The following SYCP1 variants were observed in gnomAD, a reference collection of about 807,000 sequenced individuals.
SYCP1 encodes the protein cancer/testis antigen 8.
Under a neutral mutation model 153.1 loss-of-function variants are expected in SYCP1, and 64 were observed. The ratio of observed to expected loss-of-function variants is 0.42; its 90% CI spans 0.34 to 0.51. The LOEUF is 0.51. SYCP1 is among the 20% of genes least tolerant of loss of function. The probability of loss-of-function intolerance (pLI) is 0.06; values close to 1 mark genes in which losing one functional copy is unlikely to be tolerated. For synonymous variants in SYCP1, 384 were observed against 341.8 expected, an observed-to-expected ratio of 1.12 and a Z score of -1.36; for missense variants, 997 against 1,049.0, an observed-to-expected ratio of 0.95 and a Z score of 0.68.
intron 27 of SYCP1, among the ~76,000 whole-genome samples, chr1:114,948,057 C>A (rs1005894887): frequency 5.9e-5 from 9 of 151,506 alleles, no homozygotes; most frequent in African/African-American, 1.9e-4. Context: ...ATCCCTACCC[C>A]CTGGAACACT....
At chr1:114,946,444 A>G in intron 26 of SYCP1, 63 bp downstream of exon 26, 3 of 992,624 alleles carry the variant, frequency 3.0e-6, no homozygotes, top group Non-Finnish European at 4.5e-6. Flanking sequence ...GACTGGTGGT[A>G]AAGAATAATA....
At chr1:114,971,121 A>G (rs1404716027) in intron 27 of SYCP1, among the ~76,000 whole-genome samples, 1 of 152,268 alleles carries the variant, frequency 6.6e-6, no homozygotes, top group Middle Eastern at 3.4e-3. Context: ...CATCACCTGG[A>G]TAAGTATTCA....
chr1:114,901,198 C>T (rs1165853257), intron 16 of SYCP1, among the ~76,000 whole-genome samples: 1 of 152,004 alleles, frequency 6.6e-6, no homozygotes, highest in Non-Finnish European at 1.5e-5. Context: ...GAGGTCTCTC[C>T]CCACTCAGAT....
chr1:114,988,721 T>C (rs1673705168), intron 30 of SYCP1, among the ~76,000 whole-genome samples: 1 of 152,038 alleles, frequency 6.6e-6, no homozygotes, highest in Non-Finnish European at 1.5e-5. Context: ...AATAAATATC[T>C]CTGGTAAACG....
rs370853134 is a variant in SYCP1, at chr1:114,894,135, C to T, written c.1259-1313C>T. On this transcript the variant is annotated intron_variant, in intron 15 of 31. Transcript: ENST00000369522. ...ACATGCTCAGTCCACTGTCTTTAAT[C>T]AATTTTTGAGTTTTTAAAAATTAAG... Among the ~76,000 whole-genome samples, 36 of 151,934 alleles carry T rather than the reference C, an allele frequency of 2.4e-4. No individual in the cohort carries two copies. In the East Asian group the frequency reaches 6.6e-3, roughly 28 times the overall value.
intron 3 of SYCP1, 67 bp from the exon 4 acceptor site, chr1:114,857,165 A>AAAG: frequency 8.7e-7 from 1 of 1,146,128 alleles, no homozygotes; most frequent in Non-Finnish European, 1.2e-6. Context: ...AAAGAGAAAA[A>AAAG]AGAAAAAAAA....
Position 114,926,291 on chromosome 1 carries a change from G to T in SYCP1, c.1814G>T (p.Arg605Met). 1 of 1,522,912 alleles carries T rather than the reference G, an allele frequency of 6.6e-7. No individual in the cohort carries two copies. Among genetic ancestry groups the T allele is most frequent in the Non-Finnish European group, 8.8e-7 (1 of 1,130,206 alleles). The allele number at this position is 1,522,912 out of a possible 1,614,324, so 94.3% of individuals were successfully genotyped here. ...DKSEENCNNLRKQVENKNKYI... is the reference protein window; with the variant it reads ...DKSEENCNNLMKQVENKNKYI... ...ACAATTTTTTAGTGTAACAATTTAA[G>T]GAAACAAGTTGAAAATAAAAACAAG... Residue 605 changes from arginine to methionine, a missense_variant, in exon 22 of 32, where the codon AGG becomes ATG. This residue lies in a region of SYCP1 where 712 missense variants were observed against 682.9 expected (regional missense o/e 1.04). Coordinates refer to ENST00000369522, the MANE Select transcript of SYCP1 (RefSeq NM_003176.4).
chr1:114,955,249 G>T (rs1278097169), intron 27 of SYCP1, among the ~76,000 whole-genome samples: 2 of 152,068 alleles, frequency 1.3e-5, no homozygotes, highest in East Asian at 3.9e-4. Flanking sequence ...ATCCCATTTG[G>T]TGTATGACAT....
chr1:114,892,874 T>A (rs1666817536), intron 15 of SYCP1, among the ~76,000 whole-genome samples: 1 of 151,662 alleles, frequency 6.6e-6, no homozygotes, highest in Admixed American at 6.6e-5. Context: ...CAGGATGTAG[T>A]CTCCTGGGGG....
Position 114,923,540 on chromosome 1 carries a change from A to G in SYCP1, c.1800+10A>G, listed in dbSNP as rs199881466. The stretch of plus-strand genomic sequence containing the variant: ...CAAGAGTGAAGAAAATGTATGTTAT[A>G]TTTAATAATGGATCGTATCACAAAA... On this transcript the variant is annotated intron_variant, in intron 21 of 31. Coordinates refer to ENST00000369522, the MANE Select transcript of SYCP1 (RefSeq NM_003176.4). 1.3e-6 allele frequency: 2 copies of G among 1,566,414 alleles called. No homozygotes were observed. The highest frequency in any genetic ancestry group is 1.7e-6 in the Non-Finnish European group (2 of 1,153,524).
At chr1:114,876,852 A>G in intron 11 of SYCP1, 42 bp downstream of exon 11, 1 of 1,143,070 alleles carries the variant, frequency 8.7e-7, no homozygotes, top group Non-Finnish European at 1.1e-6. Context: ...TATATTTGCT[A>G]ATTCATTAAA....
intron 23 of SYCP1, among the ~76,000 whole-genome samples, 157 bp from the exon 24 acceptor site, chr1:114,944,180 AAC>A (rs958691659): frequency 4.6e-5 from 7 of 151,854 alleles, no homozygotes; most frequent in African/African-American, 1.7e-4. Flanking sequence ...TTGAAAACAA[AAC>A]ACTTCTCACC....
chr1:114,949,000 A>G (rs761706749), intron 27 of SYCP1, among the ~76,000 whole-genome samples: 1 of 152,134 alleles, frequency 6.6e-6, no homozygotes, highest in African/African-American at 2.4e-5. Context: ...GGCCAAAGAG[A>G]CATTTTTCTC....
intron 5 of SYCP1, 106 bp downstream of exon 5, chr1:114,857,603 C>T (rs1273152264): frequency 3.2e-5 from 29 of 895,668 alleles, no homozygotes; most frequent in African/African-American, 6.9e-5. Flanking sequence ...ATTTGATTAA[C>T]GTTTTAAGAT....
chr1:114,952,701 T>A (rs1198758435), intron 27 of SYCP1, among the ~76,000 whole-genome samples: 5 of 152,148 alleles, frequency 3.3e-5, no homozygotes, highest in African/African-American at 1.2e-4. Flanking sequence ...TACTTCCCAC[T>A]GGGTACTCTC....
chr1:114,924,471 G>A (rs1282895738), intron 21 of SYCP1, among the ~76,000 whole-genome samples: 2 of 152,124 alleles, frequency 1.3e-5, no homozygotes, highest in African/African-American at 4.8e-5. Context: ...TACTATTAGA[G>A]TCTATAGAAA....
chr1:114,983,724 A>AT (rs1183315915), intron 29 of SYCP1, among the ~76,000 whole-genome samples: 18 of 151,894 alleles, frequency 1.2e-4, no homozygotes, highest in Non-Finnish European at 1.5e-5. Flanking sequence ...ATTTTATTTT[A>AT]TTTTTTTAAA....
rs1570936511 is a variant in SYCP1 at position 114,994,730 on chromosome 1, A to G, written c.2736A>G (p.Thr912=). ...TTTCAGAAGAAGAGACATTGAAAAC[A>G]CTGTATAGGAACAATAATCCACCAG... ...SMVSEEETLK[T]LYRNNNPPAS... is the part of the protein sequence containing the mutation. The change falls in exon 31 of 32, where the codon ACA becomes ACG. Residue 912 remains threonine, a synonymous_variant. Transcript: ENST00000369522. The G allele has an allele frequency of 1.3e-6, 2 of 1,579,318 alleles. No individual in the cohort carries two copies. Among genetic ancestry groups the G allele is most frequent in the East Asian group, 4.5e-5 (2 of 44,316 alleles).
intron 15 of SYCP1, among the ~76,000 whole-genome samples, chr1:114,889,926 C>T (rs1337179019): frequency 6.6e-6 from 1 of 151,814 alleles, no homozygotes; most frequent in African/African-American, 2.4e-5. Context: ...ATGTCTTAGG[C>T]TAAGGAAGAA....
Sources: allele counts gnomAD v4.1 joint callset (sites outside exome capture counted in the v4.1 genomes callset), GRCh38; gene constraint gnomAD v4.1.1; regional missense constraint gnomAD v4.1.1; transcripts MANE v1.5; gene names NCBI Gene and HGNC (gene_info 2026-07-23, HGNC 2026-07-21).